The following PCDHA6 variants were observed in gnomAD, a reference collection of about 807,000 sequenced individuals.
The protein encoded by PCDHA6 is protocadherin alpha 6, also known as protocadherin alpha-6.
In PCDHA6, 55 loss-of-function variants were observed where a neutral mutation model predicts 60.3. The ratio of observed to expected loss-of-function variants is 0.91; its 90% CI spans 0.73 to 1.14. The LOEUF is 1.14. PCDHA6 is among the 50% of genes most tolerant of loss of function. The pLI is 0.00. For synonymous variants in PCDHA6, 652 were observed against 557.9 expected (o/e 1.17, Z -2.38); for missense variants, 1,327 against 1,256.5 (o/e 1.06, Z -0.85).
chr5:140,996,785 C>G (rs1423473534), intron 3 of PCDHA6, among the ~76,000 whole-genome samples: 2 of 152,148 alleles, frequency 1.3e-5, no homozygotes, highest in Admixed American at 6.5e-5. Context: ...TAGTGCCTCA[C>G]TCCCTACATC....
At chr5:140,919,976 G>A (rs552658832) in intron 1 of PCDHA6, among the ~76,000 whole-genome samples, 1 of 134,018 alleles carries the variant, frequency 7.5e-6, no homozygotes, top group Non-Finnish European at 1.7e-5. Context: ...ATAAGAGATA[G>A]AAGATGGAAA....
At chr5:140,987,681 G>A (rs1554249426) in intron 3 of PCDHA6, among the ~76,000 whole-genome samples, 2 of 152,184 alleles carry the variant, frequency 1.3e-5, no homozygotes, top group Non-Finnish European at 2.9e-5. Context: ...TTAGTAAATA[G>A]TAGCTATTTT....
At position 141,007,395 on chromosome 5, in the gene PCDHA6, C is replaced by CA. The variant is rs35800918; in HGVS notation, c.2543-2209dup. 5.3e-3 allele frequency among the ~76,000 whole-genome samples: 498 copies of CA among 94,810 alleles called. 4 individuals carry two copies. The highest frequency in any genetic ancestry group is 0.049 in the East Asian group (166 of 3,398). 62.2% of individuals were successfully genotyped at this position (94,810 alleles called of 152,430 possible). On this transcript the variant is annotated intron_variant, in intron 3 of 3. Transcript: ENST00000529310. The stretch of plus-strand genomic sequence containing the variant: ...ATGGAACACCATCTCTACTAAAATA[C>CA]AAAAAAAAAAAAAAAAAAAAAAATT...
intron 1 of PCDHA6, chr5:140,877,279 T>G (rs782432213): frequency 1.2e-6 from 2 of 1,613,820 alleles, no homozygotes; most frequent in Non-Finnish European, 1.7e-6. Flanking sequence ...TGACTCCGGC[T>G]ATAACGCTTG....
chr5:140,842,555 G>C, intron 1 of PCDHA6: 2 of 1,465,934 alleles, frequency 1.4e-6, no homozygotes, highest in Non-Finnish European at 1.9e-6. Flanking sequence ...GCTGGACAGC[G>C]CCCTGGACCG....
chr5:140,878,378 G>T (rs1449332570), intron 1 of PCDHA6, among the ~76,000 whole-genome samples: 3 of 152,178 alleles, frequency 2.0e-5, no homozygotes, highest in African/African-American at 7.2e-5. Flanking sequence ...TATGATGAAT[G>T]ATTTTCTTCA....
rs782212784 is a variant in PCDHA6 at position 140,883,583 on chromosome 5, G to A, written c.2394+53098G>A. ...GGGCTCGCCTTCGCTGTGGGCCACGGCCAGCGTGTCGGTGGGGGTGGCCGA... is the reference window on the plus strand; with the variant it reads ...GGGCTCGCCTTCGCTGTGGGCCACGACCAGCGTGTCGGTGGGGGTGGCCGA... On this transcript the variant is annotated intron_variant, in intron 1 of 3. Coordinates refer to ENST00000529310, the MANE Select transcript of PCDHA6 (RefSeq NM_018909.4). The A allele has an allele frequency of 1.9e-5, 31 of 1,613,916 alleles. No individual in the cohort carries two copies. The African/African-American group carries it at 3.7e-4, about 19-fold the overall frequency.
At position 140,949,239 on chromosome 5, in the gene PCDHA6, C is replaced by T. The variant is rs563720988; in HGVS notation, c.2395-29710C>T. 4.0e-5 allele frequency among the ~76,000 whole-genome samples: 6 copies of T among 151,886 alleles called. No individual in the cohort carries two copies. The East Asian group carries it at 1.2e-3, about 29-fold the overall frequency. On this transcript the variant is annotated intron_variant, in intron 1 of 3. Transcript: ENST00000529310. ...TTAGACTTGTTCTGTGGCCCAGCAA[C>T]AGTCTATCTTGATGAACATATCACG...
intron 1 of PCDHA6, among the ~76,000 whole-genome samples, chr5:140,918,454 C>A (rs1168986520): frequency 6.6e-6 from 1 of 152,158 alleles, no homozygotes; most frequent in Non-Finnish European, 1.5e-5. Context: ...CAGTGGGCAT[C>A]CTTGTCTTAT....
chr5:140,857,663 G>A lies in PCDHA6; in HGVS notation c.2394+27178G>A, dbSNP rs377441915. ...ACAGTTCCAGGTGAGCGCGCGCGAT[G>A]GGGGCGTGCCGCCTCTGGGCAGCAA... On this transcript the variant is annotated intron_variant, in intron 1 of 3. Transcript: ENST00000529310. The A allele has an allele frequency of 1.9e-5, 30 of 1,596,736 alleles. 2 individuals are homozygous for A. Among genetic ancestry groups the A allele is most frequent in the Non-Finnish European group, 2.3e-5 (27 of 1,167,780 alleles).
chr5:140,846,662 C>T (rs1432643627), intron 1 of PCDHA6, among the ~76,000 whole-genome samples: 1 of 149,210 alleles, frequency 6.7e-6, no homozygotes, highest in Non-Finnish European at 1.5e-5. Flanking sequence ...GCATGAGCCA[C>T]CGCGCCCAGC....
rs114294981 is a variant in PCDHA6, at chr5:140,997,261, C to T, written c.2543-12366C>T. On this transcript the variant is annotated intron_variant, in intron 3 of 3. Transcript: ENST00000529310. ...CATGTTTACTTTAGGGTTCACTCTT[C>T]CAAATATTTCTTGCATCACTTAACA... Among the ~76,000 whole-genome samples, 265 of 152,266 alleles carry T rather than the reference C, an allele frequency of 1.7e-3. 1 individual carries two copies. The highest frequency in any genetic ancestry group is 6.2e-3 in the African/African-American group (257 of 41,540).
intron 1 of PCDHA6, chr5:140,966,785 A>G: frequency 6.6e-7 from 1 of 1,522,872 alleles, no homozygotes. Flanking sequence ...GGCGGGCACC[A>G]GACCTGCGGC....
At chr5:140,865,937 T>A (rs529378074) in intron 1 of PCDHA6, 1 of 152,330 alleles carries the variant, frequency 6.6e-6, no homozygotes, top group South Asian at 2.1e-4. Context: ...AGAAACTTCA[T>A]GATTGTCTTC....
chr5:140,964,969 G>T (rs2095866914), intron 1 of PCDHA6, among the ~76,000 whole-genome samples: 1 of 152,190 alleles, frequency 6.6e-6, no homozygotes, highest in South Asian at 2.1e-4. Flanking sequence ...TGGAACGAAG[G>T]GATGTGCTAG....
chr5:141,006,441 C>T (rs2098274470), intron 3 of PCDHA6, among the ~76,000 whole-genome samples: 1 of 152,110 alleles, frequency 6.6e-6, no homozygotes, highest in Non-Finnish European at 1.5e-5. Flanking sequence ...TCTCAATCTC[C>T]TGACCTCGAG....
At chr5:140,928,134 G>T in intron 1 of PCDHA6, 1 of 1,614,180 alleles carries the variant, frequency 6.2e-7, no homozygotes, top group Non-Finnish European at 8.5e-7. Flanking sequence ...ACCAAGTCCT[G>T]ATCACGGCCT....
At chr5:140,849,902 G>A (rs1297576408) in intron 1 of PCDHA6, 3 of 1,598,418 alleles carry the variant, frequency 1.9e-6, no homozygotes, top group Non-Finnish European at 2.6e-6. Context: ...AGAACAACCC[G>A]CCGGGCTGCC....
chr5:140,905,048 C>A (rs2153487978), intron 1 of PCDHA6, among the ~76,000 whole-genome samples: 1 of 152,186 alleles, frequency 6.6e-6, no homozygotes, highest in African/African-American at 2.4e-5. Flanking sequence ...TAATTAGGTC[C>A]CATTTATTTA....
Sources: allele counts gnomAD v4.1 joint callset (sites outside exome capture counted in the v4.1 genomes callset), GRCh38; gene constraint gnomAD v4.1.1; transcripts MANE v1.5; gene names NCBI Gene and HGNC (gene_info 2026-07-23, HGNC 2026-07-21).